Variants in OPCML observed in about 807,000 individuals in gnomAD.
OPCML encodes the protein opioid binding protein/cell adhesion molecule like, also known as opioid-binding protein/cell adhesion molecule.
A neutral mutation model predicts 37.8 loss-of-function variants in OPCML; 13 were observed. The observed-to-expected ratio is 0.34, with a 90% confidence interval of 0.22 to 0.55. OPCML has a LOEUF of 0.55. OPCML is among the 20% of genes least tolerant of loss of function. OPCML has a pLI of 0.91. For synonymous variants in OPCML, 176 were observed against 168.8 expected (o/e 1.04, Z -0.33); for missense variants, 341 against 435.6 (o/e 0.78, Z 1.93).
At chr11:133,210,036 G>T (rs1276612686) in intron 1 of OPCML, among the ~76,000 whole-genome samples, 2 of 152,278 alleles carry the variant, frequency 1.3e-5, no homozygotes, top group East Asian at 1.9e-4. Context: ...ATATTTGCAC[G>T]CACACACCTC....
At chr11:132,531,823 T>C (rs1009837744) in intron 3 of OPCML, among the ~76,000 whole-genome samples, 1 of 152,110 alleles carries the variant, frequency 6.6e-6, no homozygotes, top group Non-Finnish European at 1.5e-5. Flanking sequence ...TGTCAATACT[T>C]TTTTCACTTC....
chr11:132,883,154 C>T (rs1431137014), intron 2 of OPCML, among the ~76,000 whole-genome samples: 1 of 152,124 alleles, frequency 6.6e-6, no homozygotes, highest in Non-Finnish European at 1.5e-5. Flanking sequence ...ATCTTATACG[C>T]CTCATGCAAC....
chr11:133,405,187 T>C (rs1157206645), intron 1 of OPCML, among the ~76,000 whole-genome samples: 1 of 152,152 alleles, frequency 6.6e-6, no homozygotes, highest in East Asian at 1.9e-4. Context: ...CCCTGGCTGG[T>C]CACCACCCCC....
intron 1 of OPCML, among the ~76,000 whole-genome samples, chr11:133,147,555 G>A (rs866577162): frequency 6.6e-6 from 1 of 152,264 alleles, no homozygotes; most frequent in Middle Eastern, 3.4e-3. Flanking sequence ...TTTATAAAAT[G>A]GGGATAAGAA....
At chr11:132,466,348 G>T (rs1186744865) in intron 4 of OPCML, among the ~76,000 whole-genome samples, 1 of 151,742 alleles carries the variant, frequency 6.6e-6, no homozygotes, top group Non-Finnish European at 1.5e-5. Context: ...GCCAGGTGTG[G>T]TGGCGGGCGC....
At chr11:132,590,212 T>C (rs2096482114) in intron 3 of OPCML, among the ~76,000 whole-genome samples, 2 of 152,196 alleles carry the variant, frequency 1.3e-5, no homozygotes, top group African/African-American at 4.8e-5. Flanking sequence ...ATATATTATA[T>C]ACATAATAAA....
chr11:132,738,898 G>A lies in OPCML; in HGVS notation c.147-81579C>T, dbSNP rs573606742. Among the ~76,000 whole-genome samples the A allele has an allele frequency of 2.6e-5, 4 of 152,222 alleles. No individual in the cohort carries two copies. The South Asian group carries it at 8.3e-4, about 32-fold the overall frequency. On this transcript the variant is annotated intron_variant, in intron 2 of 7. Transcript: ENST00000524381. Reference sequence around the variant, plus strand: ...TGTCAAGAAGGGTTACTAATGAAGAGGATCAAAATATGCTAACCCAAAATA... The same window carrying A: ...TGTCAAGAAGGGTTACTAATGAAGAAGATCAAAATATGCTAACCCAAAATA...
intron 1 of OPCML, among the ~76,000 whole-genome samples, chr11:133,161,985 C>CTTTTTTTTTTTTTTT (rs553617547): frequency 7.0e-5 from 6 of 85,484 alleles, no homozygotes; most frequent in African/African-American, 9.3e-5. Context: ...CAGTCTCTGT[C>CTTTTTTTTTTTTTTT]TTTTTTTTTT....
At chr11:133,329,922 T>G (rs889122195) in intron 1 of OPCML, among the ~76,000 whole-genome samples, 1 of 151,680 alleles carries the variant, frequency 6.6e-6, no homozygotes, top group Non-Finnish European at 1.5e-5. Flanking sequence ...TGGGAGAAAA[T>G]TTTTGCAACC....
At chr11:132,913,215 G>A (rs930212470) in intron 2 of OPCML, among the ~76,000 whole-genome samples, 6 of 152,150 alleles carry the variant, frequency 3.9e-5, no homozygotes, top group African/African-American at 1.4e-4. Flanking sequence ...TGCTGGCAAA[G>A]TAACTTAAAA....
At chr11:132,506,873 A>G (rs141323319) in intron 4 of OPCML, among the ~76,000 whole-genome samples, 6 of 152,238 alleles carry the variant, frequency 3.9e-5, no homozygotes, top group Non-Finnish European at 5.9e-5. Context: ...CATCAGTTTT[A>G]ATACCTGCAA....
chr11:132,855,104 T>C (rs1486735750), intron 2 of OPCML, among the ~76,000 whole-genome samples: 1 of 152,164 alleles, frequency 6.6e-6, no homozygotes, highest in Non-Finnish European at 1.5e-5. Flanking sequence ...ATTTGTATAA[T>C]TCCTTACAGC....
rs563148213 is a variant in OPCML at position 132,693,174 on chromosome 11, A to C, written c.147-35855T>G. Among the ~76,000 whole-genome samples, 78 of 152,314 alleles carry C rather than the reference A, an allele frequency of 5.1e-4. No individual in the cohort carries two copies. In the South Asian group the frequency reaches 0.016, roughly 32 times the overall value. The stretch of plus-strand genomic sequence containing the variant: ...TAAACTCTATCTTAATGCACAGTAC[A>C]AGAGCAAATAAGGATAATTAAACTT... On this transcript the variant is annotated intron_variant, in intron 2 of 7. Coordinates refer to ENST00000524381, the MANE Select transcript of OPCML (RefSeq NM_001012393.5).
intron 1 of OPCML, among the ~76,000 whole-genome samples, chr11:133,143,572 C>T (rs539982279): frequency 3.9e-5 from 6 of 152,260 alleles, no homozygotes; most frequent in South Asian, 2.1e-4. Context: ...GGGTTGCTTA[C>T]GAGAACACTT....
chr11:132,943,186 G>A lies in OPCML; in HGVS notation c.62-176C>T. ...CGGGCTCGGGAAGCGGTGCGGGGAG[G>A]AGGGAAGGGGCAGAGTTCGCCAGGA... On this transcript the variant is annotated intron_variant, in intron 1 of 7. Coordinates refer to ENST00000524381, the MANE Select transcript of OPCML (RefSeq NM_001012393.5). This position sits in a 1 kb window ranked among gnomAD's most constrained non-coding sequence, Gnocchi z 4.3. The A allele has an allele frequency of 6.3e-7, 1 of 1,577,756 alleles. No individual in the cohort carries two copies. The highest frequency in any genetic ancestry group is 1.2e-5 in the South Asian group (1 of 86,680).
chr11:132,611,281 G>A (rs1016150949), intron 3 of OPCML, among the ~76,000 whole-genome samples: 1 of 152,056 alleles, frequency 6.6e-6, no homozygotes, highest in Non-Finnish European at 1.5e-5. Flanking sequence ...ATCTTTGCGT[G>A]CTGTAGCTCC....
intron 2 of OPCML, among the ~76,000 whole-genome samples, chr11:132,782,919 A>C (rs12805271): frequency 2.2e-5 from 2 of 89,728 alleles, no homozygotes; most frequent in African/African-American, 1.2e-4. Flanking sequence ...TAGTGTGTGT[A>C]TATATATATA....
At chr11:132,814,576 C>T (rs563791456) in intron 2 of OPCML, among the ~76,000 whole-genome samples, 1 of 152,286 alleles carries the variant, frequency 6.6e-6, no homozygotes, top group South Asian at 2.1e-4. Flanking sequence ...TGTGACTACT[C>T]ATATTAAAAA....
chr11:132,641,118 G>A (rs947199426), intron 3 of OPCML, among the ~76,000 whole-genome samples: 1 of 152,162 alleles, frequency 6.6e-6, no homozygotes, highest in African/African-American at 2.4e-5. Flanking sequence ...AGGATCTGGT[G>A]GAGAAGCTGG....
Sources: allele counts gnomAD v4.1 joint callset (sites outside exome capture counted in the v4.1 genomes callset), GRCh38; gene constraint gnomAD v4.1.1; non-coding constraint Gnocchi (gnomAD v3.1); transcripts MANE v1.5; gene names NCBI Gene and HGNC (gene_info 2026-07-23, HGNC 2026-07-21).